Variants in TBL1XR1 observed in about 807,000 individuals in gnomAD.
The protein encoded by TBL1XR1 is F-box-like/WD repeat-containing protein TBL1XR1.
Under a neutral mutation model 66.9 loss-of-function variants are expected in TBL1XR1, and 5 were observed. That is an observed-to-expected ratio of 0.07 (90% CI 0.04 to 0.16). The LOEUF (loss-of-function observed/expected upper bound fraction) is 0.16, where lower values mean the gene tolerates loss of function less well. Ranked by LOEUF, TBL1XR1 falls within the 10% of genes least tolerant of loss-of-function variation. TBL1XR1 has a pLI of 1.00. For synonymous variants in TBL1XR1, 210 were observed against 206.0 expected (o/e 1.02, Z -0.17); for missense variants, 238 against 623.2 (o/e 0.38, Z 6.58).
At chr3:177,121,513 C>T (rs1726971580) in intron 1 of TBL1XR1, among the ~76,000 whole-genome samples, 1 of 152,140 alleles carries the variant, frequency 6.6e-6, no homozygotes, top group African/African-American at 2.4e-5. Context: ...AAACATTAGC[C>T]TCCCTTCCAA....
At chr3:177,158,133 A>G (rs1314761335) in intron 1 of TBL1XR1, among the ~76,000 whole-genome samples, 1 of 149,058 alleles carries the variant, frequency 6.7e-6, no homozygotes, top group Non-Finnish European at 1.5e-5. Context: ...GATAGTTTTT[A>G]TAACATTATT....
chr3:177,159,890 A>G (rs1004964533), intron 1 of TBL1XR1, among the ~76,000 whole-genome samples: 2 of 152,150 alleles, frequency 1.3e-5, no homozygotes, highest in South Asian at 4.1e-4. Flanking sequence ...TAGGATGTCT[A>G]TTTGTTTAAA....
intron 1 of TBL1XR1, among the ~76,000 whole-genome samples, chr3:177,104,992 G>T (rs542302890): frequency 4.4e-4 from 67 of 152,312 alleles, no homozygotes; most frequent in African/African-American, 1.3e-3. Context: ...AGTTTCTAAT[G>T]CTAACATAAG....
intron 1 of TBL1XR1, among the ~76,000 whole-genome samples, chr3:177,190,817 A>G (rs1398716379): frequency 6.6e-6 from 1 of 152,192 alleles, no homozygotes; most frequent in Non-Finnish European, 1.5e-5. Flanking sequence ...CTCACAATCC[A>G]TTTTAACATG....
At chr3:177,073,750 C>CT (rs1180493104) in intron 2 of TBL1XR1, among the ~76,000 whole-genome samples, 1 of 152,156 alleles carries the variant, frequency 6.6e-6, no homozygotes, top group Non-Finnish European at 1.5e-5. Context: ...TGCTACCAAA[C>CT]TTTAGTAGAA....
chr3:177,116,357 T>G (rs1478573318), intron 1 of TBL1XR1, among the ~76,000 whole-genome samples: 1 of 152,174 alleles, frequency 6.6e-6, no homozygotes, highest in Non-Finnish European at 1.5e-5. Flanking sequence ...CTCCTTCTCC[T>G]CCCTCATTTC....
At chr3:177,134,446 A>C (rs1728666834) in intron 1 of TBL1XR1, among the ~76,000 whole-genome samples, 1 of 152,222 alleles carries the variant, frequency 6.6e-6, no homozygotes, top group Non-Finnish European at 1.5e-5. Flanking sequence ...TACTAAGGGG[A>C]ATACATGATA....
At chr3:177,047,445 T>A (rs1447254634) in intron 8 of TBL1XR1, 41 bp downstream of exon 8, 1 of 1,608,054 alleles carries the variant, frequency 6.2e-7, no homozygotes, top group East Asian at 2.2e-5. Context: ...TTTTCTATCT[T>A]TAGATCAACA....
intron 1 of TBL1XR1, among the ~76,000 whole-genome samples, chr3:177,184,716 A>C (rs1735205452): frequency 6.6e-6 from 1 of 151,818 alleles, no homozygotes; most frequent in Admixed American, 6.6e-5. Context: ...CAGGAGAATC[A>C]CTTGAACCCT....
intron 1 of TBL1XR1, among the ~76,000 whole-genome samples, chr3:177,138,386 G>A (rs1729239170): frequency 6.6e-6 from 1 of 152,178 alleles, no homozygotes; most frequent in Admixed American, 6.5e-5. Flanking sequence ...ATTGAGCCCA[G>A]GAGTGTGAGG....
rs564668912 is a variant in TBL1XR1, at chr3:177,090,796, C to T, written c.-46+7670G>A. On this transcript the variant is annotated intron_variant, in intron 2 of 15. Transcript: ENST00000457928. ...ACTGCACTCCAGCTGGGCGACAGAG[C>T]GAGACTCCGTCTCGAAATAAAATAA... 7.9e-5 allele frequency among the ~76,000 whole-genome samples: 12 copies of T among 151,918 alleles called. No homozygotes were observed. In the East Asian group the frequency reaches 9.7e-4, roughly 12 times the overall value.
chr3:177,033,633 CAAT>C (rs1714321546), intron 13 of TBL1XR1, among the ~76,000 whole-genome samples: 1 of 151,874 alleles, frequency 6.6e-6, no homozygotes, highest in Non-Finnish European at 1.5e-5. Flanking sequence ...TAACTTGAAA[CAAT>C]AATAAAACTC....
At chr3:177,180,738 GA>G (rs1476949496) in intron 1 of TBL1XR1, among the ~76,000 whole-genome samples, 1 of 148,638 alleles carries the variant, frequency 6.7e-6, no homozygotes, top group Non-Finnish European at 1.5e-5. Context: ...GATTACCCTG[GA>G]ATTTTTTTTT....
chr3:177,035,512 C>A (rs1426384768), intron 12 of TBL1XR1, among the ~76,000 whole-genome samples: 1 of 150,576 alleles, frequency 6.6e-6, no homozygotes, highest in Non-Finnish European at 1.5e-5. Flanking sequence ...CCCCCGGGTT[C>A]ACGCAATTCT....
chr3:177,112,954 T>G (rs1222956169), intron 1 of TBL1XR1, among the ~76,000 whole-genome samples: 1 of 151,896 alleles, frequency 6.6e-6, no homozygotes, highest in East Asian at 1.9e-4. Context: ...CAGAGGTTGC[T>G]GTGAGCAGAG....
chr3:177,079,095 T>C (rs571613955), intron 2 of TBL1XR1, among the ~76,000 whole-genome samples: 1 of 151,926 alleles, frequency 6.6e-6, no homozygotes, highest in East Asian at 2.0e-4. Flanking sequence ...GGCAGTTACA[T>C]CACACTGTTG....
rs1727202086 is a variant in TBL1XR1, at chr3:177,123,243, A to AT, written c.-121-24703dup. On this transcript the variant is annotated intron_variant, in intron 1 of 15. Transcript: ENST00000457928. ...GAACTCATATCATACTAAAAACAGT[A>AT]TTTACCTTCCTAATCATAAAGTACA... 5.3e-5 allele frequency among the ~76,000 whole-genome samples: 8 copies of AT among 152,264 alleles called. No homozygotes were observed. The South Asian group carries it at 1.7e-3, about 32-fold the overall frequency.
intron 1 of TBL1XR1, among the ~76,000 whole-genome samples, chr3:177,174,478 A>G (rs948268711): frequency 1.3e-5 from 2 of 149,870 alleles, no homozygotes; most frequent in Admixed American, 6.7e-5. Flanking sequence ...GCAACTTCCC[A>G]TAACACACCC....
chr3:177,148,628 T>A (rs573429150), intron 1 of TBL1XR1, among the ~76,000 whole-genome samples: 2 of 151,902 alleles, frequency 1.3e-5, no homozygotes, highest in South Asian at 4.2e-4. Flanking sequence ...GGCAGGAGAA[T>A]CACTTGAACC....
Sources: allele counts gnomAD v4.1 joint callset (sites outside exome capture counted in the v4.1 genomes callset), GRCh38; gene constraint gnomAD v4.1.1; transcripts MANE v1.5; gene names NCBI Gene and HGNC (gene_info 2026-07-23, HGNC 2026-07-21).